Variants in FNDC3B observed in about 807,000 individuals in gnomAD.
FNDC3B encodes fibronectin type III domain containing 3B.
FNDC3B carries 12 observed loss-of-function variants against 151.5 expected under a neutral mutation model. The ratio of observed to expected loss-of-function variants is 0.08; its 90% CI spans 0.05 to 0.13. FNDC3B has a LOEUF of 0.13. Among genes scored for constraint, FNDC3B ranks in the 10% least tolerant of loss-of-function variants. The pLI is 1.00. For synonymous variants in FNDC3B, 528 were observed against 549.0 expected (o/e 0.96, Z 0.54); for missense variants, 1,214 against 1,505.3 (o/e 0.81, Z 3.20).
At chr3:172,363,588 C>A (rs1734466470) in intron 23 of FNDC3B, among the ~76,000 whole-genome samples, 1 of 152,174 alleles carries the variant, frequency 6.6e-6, no homozygotes, top group African/African-American at 2.4e-5. Context: ...AAAACCAAAA[C>A]AACCAAAATG....
At chr3:172,043,497 C>G (rs1004059646) in intron 1 of FNDC3B, among the ~76,000 whole-genome samples, 2 of 152,122 alleles carry the variant, frequency 1.3e-5, no homozygotes, top group Admixed American at 1.3e-4. Context: ...CAGGTGTGCA[C>G]GCCACCATGC....
intron 11 of FNDC3B, among the ~76,000 whole-genome samples, chr3:172,312,971 C>A (rs1037046051): frequency 1.3e-5 from 2 of 152,162 alleles, no homozygotes; most frequent in African/African-American, 4.8e-5. Flanking sequence ...GGCTAGCGGT[C>A]AAAAAATGTT....
chr3:172,236,990 T>C (rs1727199491), intron 4 of FNDC3B, among the ~76,000 whole-genome samples: 1 of 152,186 alleles, frequency 6.6e-6, no homozygotes, highest in Non-Finnish European at 1.5e-5. Context: ...ATATATGACT[T>C]AGCTGTGCTC....
chr3:172,242,511 C>T (rs577482129), intron 4 of FNDC3B, among the ~76,000 whole-genome samples: 9 of 152,328 alleles, frequency 5.9e-5, no homozygotes, highest in Admixed American at 2.0e-4. Flanking sequence ...CTCAACGCCA[C>T]ATGGAAGCTA....
At chr3:172,316,428 A>G (rs554824427) in intron 11 of FNDC3B, 553 of 456,130 alleles carry the variant, frequency 1.2e-3, no homozygotes, top group Non-Finnish European at 1.8e-3. Flanking sequence ...GAAAAAAAAA[A>G]CTAGGAACCT....
intron 11 of FNDC3B, among the ~76,000 whole-genome samples, chr3:172,314,114 A>G (rs1448281451): frequency 1.3e-5 from 2 of 152,122 alleles, no homozygotes; most frequent in African/African-American, 4.8e-5. Context: ...TGGTACCAGG[A>G]CTGTTTCCAG....
rs751861261 is a variant in FNDC3B, at chr3:172,332,159, G to A, written c.1555-930G>A. 1.3e-3 allele frequency among the ~76,000 whole-genome samples: 193 copies of A among 152,090 alleles called. 1 individual carries two copies. The highest frequency in any genetic ancestry group is 1.3e-3 in the Non-Finnish European group (91 of 67,990). On this transcript the variant is annotated intron_variant, in intron 13 of 25. Transcript: ENST00000415807. ...CTAATTTTGTATTTTTAGTAGAGAC[G>A]GGGTTTCTCCATGTTGGTCAGGCTG...
chr3:172,345,252 C>T (rs548163890), intron 19 of FNDC3B, among the ~76,000 whole-genome samples: 7 of 152,284 alleles, frequency 4.6e-5, no homozygotes, highest in African/African-American at 1.7e-4. Flanking sequence ...TGAACATTAA[C>T]GCCTATGTAC....
intron 3 of FNDC3B, among the ~76,000 whole-genome samples, chr3:172,149,806 G>GTTTTTTTTTTTTTTTT (rs10561622): frequency 3.8e-5 from 2 of 52,508 alleles, no homozygotes; most frequent in African/African-American, 7.8e-5. Context: ...TATGTTGGGT[G>GTTTTTTTTTTTTTTTT]TTTTTTTTTT....
chr3:172,230,008 A>C (rs114742406), intron 4 of FNDC3B, among the ~76,000 whole-genome samples: 1 of 152,248 alleles, frequency 6.6e-6, no homozygotes, highest in Non-Finnish European at 1.5e-5. Flanking sequence ...TGCAAAAATT[A>C]ACTCAAAATG....
chr3:172,203,486 G>A (rs2108693254), intron 3 of FNDC3B, among the ~76,000 whole-genome samples: 1 of 152,294 alleles, frequency 6.6e-6, no homozygotes, highest in East Asian at 1.9e-4. Flanking sequence ...CTATCTTTCT[G>A]AGCCATCAAT....
chr3:172,159,388 T>C (rs1217317865), intron 3 of FNDC3B, among the ~76,000 whole-genome samples: 3 of 152,202 alleles, frequency 2.0e-5, no homozygotes, highest in Non-Finnish European at 4.4e-5. Flanking sequence ...CACCACATTG[T>C]CTTGATTACT....
chr3:172,041,062 CT>C (rs1395785735), intron 1 of FNDC3B, among the ~76,000 whole-genome samples: 3 of 152,208 alleles, frequency 2.0e-5, no homozygotes, highest in Admixed American at 1.3e-4. Flanking sequence ...TTCTTTTCTC[CT>C]CAACCCAGCA....
intron 6 of FNDC3B, among the ~76,000 whole-genome samples, chr3:172,266,996 C>G (rs1259472031): frequency 6.6e-6 from 1 of 152,202 alleles, no homozygotes; most frequent in Non-Finnish European, 1.5e-5. Context: ...CATCTACTAC[C>G]TACTATCCGC....
chr3:172,070,023 G>GAGAA (rs1383665843), intron 1 of FNDC3B, among the ~76,000 whole-genome samples: 19 of 152,132 alleles, frequency 1.2e-4, no homozygotes, highest in African/African-American at 4.6e-4. Context: ...CAAATAAAGG[G>GAGAA]AGAAGTCAAG....
At chr3:172,137,473 T>C (rs944215706) in intron 3 of FNDC3B, among the ~76,000 whole-genome samples, 38 of 152,016 alleles carry the variant, frequency 2.5e-4, no homozygotes, top group African/African-American at 8.9e-4. Context: ...CTGGGCAACA[T>C]AGTGAGACCC....
chr3:172,321,442 T>C (rs1732074629), intron 11 of FNDC3B, among the ~76,000 whole-genome samples: 1 of 152,252 alleles, frequency 6.6e-6, no homozygotes, highest in African/African-American at 2.4e-5. Flanking sequence ...GAGAGGTCCT[T>C]ACTTTGGTGG....
intron 23 of FNDC3B, among the ~76,000 whole-genome samples, chr3:172,373,312 C>T (rs1453625170): frequency 6.6e-6 from 1 of 152,192 alleles, no homozygotes; most frequent in African/African-American, 2.4e-5. Context: ...TAGTGATCAG[C>T]ACCTTCAAGA....
intron 3 of FNDC3B, among the ~76,000 whole-genome samples, chr3:172,177,398 G>A (rs1043527763): frequency 2.6e-5 from 4 of 152,176 alleles, no homozygotes; most frequent in African/African-American, 9.7e-5. Flanking sequence ...TTTGGAGTCT[G>A]AGTTTGTAGT....
Sources: gnomAD v4.1 joint callset for allele counts (sites outside exome capture counted in the v4.1 genomes callset) on GRCh38, gnomAD v4.1.1 for gene constraint, MANE v1.5 for transcripts, NCBI Gene and HGNC (gene_info 2026-07-23, HGNC 2026-07-21) for gene names.